ELF1: variants seen among roughly 807,000 people sequenced by gnomAD.
The protein encoded by ELF1 is E74 like ETS transcription factor 1.
In ELF1, 24 loss-of-function variants were observed where a neutral mutation model predicts 59.9. The observed-to-expected ratio is 0.40, with a 90% CI of 0.29 to 0.56. The LOEUF is 0.56. Among genes scored for constraint, ELF1 ranks in the 20% least tolerant of loss-of-function variants. The pLI is 0.44. For missense variants in ELF1, 627 were observed against 742.2 expected, an observed-to-expected ratio of 0.84 and a Z score of 1.80; for synonymous variants, 248 against 266.2, an observed-to-expected ratio of 0.93 and a Z score of 0.67.
chr13:41,043,743 C>A (rs891383636), intron 1 of ELF1, among the ~76,000 whole-genome samples: 5 of 152,160 alleles, frequency 3.3e-5, no homozygotes, highest in Admixed American at 6.6e-5. Flanking sequence ...CGTGATGCCT[C>A]CAGCTTTGTT....
chr13:40,951,304 A>C, intron 4 of ELF1, 25 bp downstream of exon 4: 1 of 1,561,066 alleles, frequency 6.4e-7, no homozygotes, highest in Non-Finnish European at 8.8e-7. Context: ...AAAGTACATA[A>C]ACATAAACAA....
intron 1 of ELF1, among the ~76,000 whole-genome samples, chr13:41,004,034 A>G (rs1874608546): frequency 6.6e-6 from 1 of 152,168 alleles, no homozygotes; most frequent in African/African-American, 2.4e-5. Context: ...AAAAGAAAAT[A>G]AATATCAGGC....
intron 1 of ELF1, among the ~76,000 whole-genome samples, chr13:41,042,664 T>C (rs1451568411): frequency 6.6e-6 from 1 of 152,202 alleles, no homozygotes; most frequent in East Asian, 1.9e-4. Flanking sequence ...CTGCATAGTA[T>C]TCCATGGTGT....
chr13:41,045,453 T>G (rs1360951521), intron 1 of ELF1, among the ~76,000 whole-genome samples: 2 of 152,226 alleles, frequency 1.3e-5, no homozygotes, highest in African/African-American at 2.4e-5. Flanking sequence ...CTCTACACGC[T>G]GCTTTAAATG....
chr13:41,034,595 G>A (rs149919127), intron 1 of ELF1, among the ~76,000 whole-genome samples: 3 of 151,856 alleles, frequency 2.0e-5, no homozygotes, highest in East Asian at 1.9e-4. Flanking sequence ...GATTAAAATG[G>A]TTTTATCTGT....
At chr13:40,962,503 TGAAACC>T (rs1871894238) in intron 2 of ELF1, among the ~76,000 whole-genome samples, 1 of 150,704 alleles carries the variant, frequency 6.6e-6, no homozygotes, top group South Asian at 2.1e-4. Context: ...GCCAACACGG[TGAAACC>T]TTGTCTTTAC....
chr13:41,023,652 C>G (rs1875772849), upstream of ELF1, among the ~76,000 whole-genome samples: 1 of 152,174 alleles, frequency 6.6e-6, no homozygotes, highest in Non-Finnish European at 1.5e-5. Flanking sequence ...CTTTGTTAAA[C>G]CAAATCCTCT....
intron 3 of ELF1, among the ~76,000 whole-genome samples, chr13:40,954,778 G>A (rs1358244417): frequency 6.6e-6 from 1 of 150,394 alleles, no homozygotes; most frequent in Non-Finnish European, 1.5e-5. Flanking sequence ...GGAGTGCAGT[G>A]GCGTGATCTC....
intron 2 of ELF1, among the ~76,000 whole-genome samples, chr13:40,960,094 T>C (rs569732354): frequency 6.6e-6 from 1 of 152,336 alleles, no homozygotes; most frequent in South Asian, 2.1e-4. Context: ...TTGAAAGTGT[T>C]AGACATATTG....
chr13:40,989,080 G>C (rs1016189899), intron 1 of ELF1, among the ~76,000 whole-genome samples: 2 of 152,210 alleles, frequency 1.3e-5, no homozygotes, highest in African/African-American at 4.8e-5. Context: ...TTACAGGCAT[G>C]AGCCACTACG....
upstream of ELF1, among the ~76,000 whole-genome samples, chr13:41,020,901 C>T (rs556654613): frequency 2.0e-5 from 3 of 152,000 alleles, no homozygotes; most frequent in East Asian, 3.9e-4. Flanking sequence ...AAAACTGTAA[C>T]AGGTAAAAGA....
rs79366902 is a variant in ELF1 at position 41,050,848 on chromosome 13, C to T, written c.-229+9990G>A. 6.3e-3 allele frequency among the ~76,000 whole-genome samples: 955 copies of T among 152,338 alleles called. 4 individuals carry two copies. Among genetic ancestry groups the T allele is most frequent in the African/African-American group, 0.022 (917 of 41,578 alleles). ...ACAGGCATGAGCCACCACACCCGGC[C>T]TCTTTCAGATTTTTTAGAAAGTGCC... On this transcript the variant is annotated intron_variant, in intron 1 of 1. Coordinates refer to the ELF1 transcript ENST00000405737.
chr13:41,044,652 T>G (rs888654960), intron 1 of ELF1, among the ~76,000 whole-genome samples: 2 of 152,198 alleles, frequency 1.3e-5, no homozygotes, highest in Non-Finnish European at 1.5e-5. Flanking sequence ...GCCCACTTGA[T>G]CATGGTGGAT....
At chr13:40,998,775 T>C (rs1566184873) in intron 1 of ELF1, among the ~76,000 whole-genome samples, 1 of 152,154 alleles carries the variant, frequency 6.6e-6, no homozygotes, top group Non-Finnish European at 1.5e-5. Flanking sequence ...TATCCTGGCA[T>C]TAGGTTTTCT....
In ELF1 at chr13:40,958,962, C is replaced by G; in HGVS notation, c.127G>C (p.Asp43His). 1.2e-6 allele frequency: 2 copies of G among 1,613,788 alleles called. No individual in the cohort carries two copies. The highest frequency in any genetic ancestry group is 1.7e-6 in the Non-Finnish European group (2 of 1,179,856). ...AVIVEHVPGADILNSYAGLAC... is the reference protein window; with the variant it reads ...AVIVEHVPGAHILNSYAGLAC... Reference sequence around the variant, plus strand: ...AGACCGGCATAACTATTGAGAATATCAGCACCAGGAACATGTTCCACAATT... The same window carrying G: ...AGACCGGCATAACTATTGAGAATATGAGCACCAGGAACATGTTCCACAATT... The change falls in exon 3 of 9, where the codon GAT (aspartate) becomes CAT (histidine). Residue 43 changes from aspartate to histidine, a missense_variant. By Grantham distance (81) the Asp-to-His change is moderately conservative. Coordinates refer to ENST00000239882, the MANE Select transcript of ELF1 (RefSeq NM_172373.4).
At chr13:41,054,082 G>A (rs1877202308) in intron 1 of ELF1, among the ~76,000 whole-genome samples, 1 of 151,992 alleles carries the variant, frequency 6.6e-6, no homozygotes, top group Non-Finnish European at 1.5e-5. Flanking sequence ...CAACAAAAGG[G>A]ATAAATGACC....
upstream of ELF1, among the ~76,000 whole-genome samples, chr13:41,021,460 A>G (rs2138394268): frequency 1.3e-5 from 2 of 152,240 alleles, no homozygotes; most frequent in Middle Eastern, 3.4e-3. Flanking sequence ...TCCTTGTTCT[A>G]TTTACAGCCC....
At chr13:40,952,641 C>A (rs145494410) in intron 3 of ELF1, among the ~76,000 whole-genome samples, 244 of 152,266 alleles carry the variant, frequency 1.6e-3, no homozygotes, top group African/African-American at 5.6e-3. Flanking sequence ...GGTGATCCTC[C>A]CTCCTTGGCC....
At chr13:40,961,634 G>A (rs1871830040) in intron 2 of ELF1, among the ~76,000 whole-genome samples, 1 of 152,196 alleles carries the variant, frequency 6.6e-6, no homozygotes, top group Non-Finnish European at 1.5e-5. Context: ...AAAGAAAAGT[G>A]TAGCTAGCCT....
Sources: gnomAD v4.1 joint callset for allele counts (sites outside exome capture counted in the v4.1 genomes callset) on GRCh38, gnomAD v4.1.1 for gene constraint, MANE v1.5 for transcripts, NCBI Gene and HGNC (gene_info 2026-07-23, HGNC 2026-07-21) for gene names.